Variants in ZC3HAV1 observed in about 807,000 individuals in gnomAD.
The protein encoded by ZC3HAV1 is zinc finger CCCH-type antiviral protein 1.
ZC3HAV1 carries 41 observed loss-of-function variants against 86.6 expected under a neutral mutation model. The observed-to-expected ratio is 0.47, with a 90% CI of 0.37 to 0.61. The LOEUF (loss-of-function observed/expected upper bound fraction) is 0.61, where lower values mean the gene tolerates loss of function less well. Among genes scored for constraint, ZC3HAV1 ranks in the 20% least tolerant of loss-of-function variants. ZC3HAV1 has a pLI of 0.00. For synonymous variants in ZC3HAV1, 421 were observed against 432.1 expected, an observed-to-expected ratio of 0.97 and a Z score of 0.32; for missense variants, 964 against 1,141.1, an observed-to-expected ratio of 0.84 and a Z score of 2.24.
intron 1 of ZC3HAV1, among the ~76,000 whole-genome samples, chr7:139,095,193 A>C (rs1817549012): frequency 6.6e-6 from 1 of 152,180 alleles, no homozygotes. Flanking sequence ...TGAGCTAAAG[A>C]ATAAAATGTC....
Position 139,109,381 on chromosome 7 carries a change from G to A in ZC3HAV1, c.-50C>T, listed in dbSNP as rs781317768. The A allele has an allele frequency of 2.7e-6, 4 of 1,481,726 alleles. No individual in the cohort carries two copies. The highest frequency in any genetic ancestry group is 4.8e-5 in the East Asian group (2 of 41,282). The allele number at this position is 1,481,726 out of a possible 1,614,324, so 91.8% of individuals were successfully genotyped here. A position where few individuals can be genotyped will look rare whatever the true frequency, so the allele number is the denominator to read the frequency against. ...CCGCGGCGCGGGACTCGGTTCCGCG[G>A]AAATCGGAAATCGAAACTTACAAGT... is the stretch of plus-strand genomic sequence containing the variant. On this transcript the variant is annotated 5_prime_UTR_variant, in exon 1 of 13. Coordinates refer to ENST00000242351, the MANE Select transcript of ZC3HAV1 (RefSeq NM_020119.4).
chr7:139,055,585 G>A (rs1290745198), intron 9 of ZC3HAV1, among the ~76,000 whole-genome samples: 1 of 152,150 alleles, frequency 6.6e-6, no homozygotes, highest in African/African-American at 2.4e-5. Flanking sequence ...AACTTTCAAA[G>A]GTCCTAATGT....
At chr7:139,087,240 G>A (rs1020513952) in intron 2 of ZC3HAV1, among the ~76,000 whole-genome samples, 48 of 152,174 alleles carry the variant, frequency 3.2e-4, no homozygotes, top group African/African-American at 8.4e-4. Flanking sequence ...GAGCTTTAAC[G>A]GGAATGATGT....
At position 139,109,582 on chromosome 7, in the gene ZC3HAV1, G is replaced by A. The variant is rs1472443972; in HGVS notation, c.-251C>T. 2 of 445,766 alleles carry A rather than the reference G, an allele frequency of 4.5e-6. No homozygotes were observed. Among genetic ancestry groups the A allele is most frequent in the Admixed American group, 8.5e-5 (2 of 23,642 alleles). 27.6% of individuals were successfully genotyped at this position (445,766 alleles called of 1,614,324 possible). A position where few individuals can be genotyped will look rare whatever the true frequency, so the allele number is the denominator to read the frequency against. The stretch of plus-strand genomic sequence containing the variant: ...TTACAGCCGGCCGCAAGGGCAACTG[G>A]GTGGAAAGAAAGAGAACGCGCGGGC... On this transcript the variant is annotated 5_prime_UTR_variant, in exon 1 of 13. Coordinates refer to ENST00000242351, the MANE Select transcript of ZC3HAV1 (RefSeq NM_020119.4).
At chr7:139,089,260 T>A (rs1184638045) in intron 2 of ZC3HAV1, among the ~76,000 whole-genome samples, 5 of 152,154 alleles carry the variant, frequency 3.3e-5, no homozygotes, top group African/African-American at 1.2e-4. Context: ...TTACAACAGC[T>A]TAGCCCATAC....
intron 1 of ZC3HAV1, among the ~76,000 whole-genome samples, chr7:139,096,914 CTTG>C (rs1817604953): frequency 1.3e-5 from 2 of 152,016 alleles, no homozygotes; most frequent in Non-Finnish European, 2.9e-5. Flanking sequence ...GGGTGGATAG[CTTG>C]AGCTTAGGAA....
chr7:139,083,536 C>T (rs1817187040), intron 3 of ZC3HAV1, among the ~76,000 whole-genome samples: 1 of 151,956 alleles, frequency 6.6e-6, no homozygotes, highest in African/African-American at 2.4e-5. Flanking sequence ...CAAGGCCAGC[C>T]TGGCCAACAT....
At chr7:139,104,699 G>GGTGA (rs1817875249) in intron 1 of ZC3HAV1, among the ~76,000 whole-genome samples, 117 of 112,500 alleles carry the variant, frequency 1.0e-3, no homozygotes, top group Middle Eastern at 0.013. Context: ...CTCCAGCCTG[G>GGTGA]CAACAGAGCG....
intron 7 of ZC3HAV1, among the ~76,000 whole-genome samples, chr7:139,070,716 T>G (rs1277856910): frequency 7.5e-6 from 1 of 134,140 alleles, no homozygotes; most frequent in African/African-American, 2.8e-5. Context: ...TGCGGTGGCT[T>G]ACACCTGTAA....
rs955292229 is a variant in ZC3HAV1 at position 139,044,743 on chromosome 7, C to T, written c.*2851G>A. The T allele has an allele frequency of 1.3e-5, 2 of 152,570 alleles. No individual in the cohort carries two copies. The highest frequency in any genetic ancestry group is 2.4e-5 in the African/African-American group (1 of 41,436). The allele number at this position is 152,570 out of a possible 1,614,324, so 9.5% of individuals were successfully genotyped here. A position where few individuals can be genotyped will look rare whatever the true frequency, so the allele number is the denominator to read the frequency against. On this transcript the variant is annotated 3_prime_UTR_variant, in exon 13 of 13. Transcript: ENST00000242351. ...ATAAGAAATTACTCTGCACCCTATA[C>T]GAATTTTGAATGTCTCACTAGACAT...
intron 7 of ZC3HAV1, among the ~76,000 whole-genome samples, chr7:139,071,627 T>C (rs553626232): frequency 1.3e-5 from 2 of 152,258 alleles, no homozygotes; most frequent in South Asian, 4.1e-4. Context: ...AAAGAATCTG[T>C]GCAAAGTTTA....
intron 6 of ZC3HAV1, among the ~76,000 whole-genome samples, chr7:139,074,978 CTT>C (rs1202275212): frequency 1.3e-5 from 2 of 152,164 alleles, no homozygotes; most frequent in Admixed American, 6.5e-5. Flanking sequence ...AGAAAGACCT[CTT>C]AGATCAGTGG....
chr7:139,074,490 G>A (rs1816876172), intron 6 of ZC3HAV1, among the ~76,000 whole-genome samples: 1 of 152,066 alleles, frequency 6.6e-6, no homozygotes, highest in Non-Finnish European at 1.5e-5. Context: ...AATACACGAT[G>A]AAATTTTCCA....
intron 6 of ZC3HAV1, among the ~76,000 whole-genome samples, chr7:139,074,838 TCA>T (rs993339934): frequency 6.6e-6 from 1 of 152,166 alleles, no homozygotes; most frequent in Non-Finnish European, 1.5e-5. Context: ...ATAATTGTTC[TCA>T]GTTTTAATTT....
Position 139,108,328 on chromosome 7 carries a change from A to G in ZC3HAV1, c.308+696T>C, listed in dbSNP as rs910675645. Reference sequence around the variant, plus strand: ...AGCAGTGGCCCGAGACGTGAGCCACACTGCTTCAAAGGGATTTAAGAGAGT... The same window carrying G: ...AGCAGTGGCCCGAGACGTGAGCCACGCTGCTTCAAAGGGATTTAAGAGAGT... On this transcript the variant is annotated intron_variant, in intron 1 of 12. Transcript: ENST00000242351. This position sits in a 1 kb window ranked among gnomAD's most constrained non-coding sequence, Gnocchi z 4.2. 2.1e-4 allele frequency among the ~76,000 whole-genome samples: 32 copies of G among 151,732 alleles called. No homozygotes were observed. Among genetic ancestry groups the G allele is most frequent in the African/African-American group, 7.3e-4 (30 of 41,354 alleles).
In ZC3HAV1 at chr7:139,044,615, G is replaced by C. The variant is rs2130651439; in HGVS notation, c.*2979C>G. Reference sequence around the variant, plus strand: ...GTGAATAGATCTGATAGGGTTTGTGGTTGTCACCGTGACTGGGCGTGGGGG... The same window carrying C: ...GTGAATAGATCTGATAGGGTTTGTGCTTGTCACCGTGACTGGGCGTGGGGG... On this transcript the variant is annotated 3_prime_UTR_variant, in exon 13 of 13. Coordinates refer to ENST00000242351, the MANE Select transcript of ZC3HAV1 (RefSeq NM_020119.4). 6.6e-6 allele frequency: 1 copy of C among 152,240 alleles called. No individual in the cohort carries two copies. The highest frequency in any genetic ancestry group is 1.5e-5 in the Non-Finnish European group (1 of 67,988). 9.4% of individuals were successfully genotyped at this position (152,240 alleles called of 1,614,324 possible).
intron 8 of ZC3HAV1, among the ~76,000 whole-genome samples, chr7:139,063,247 T>A (rs1816501240): frequency 3.2e-5 from 3 of 93,212 alleles, no homozygotes; most frequent in African/African-American, 1.6e-4. Flanking sequence ...CAATACCACC[T>A]AAGAATTTTT....
intron 9 of ZC3HAV1, among the ~76,000 whole-genome samples, chr7:139,055,803 G>C (rs968492775): frequency 1.3e-4 from 20 of 152,036 alleles, no homozygotes; most frequent in African/African-American, 4.8e-4. Context: ...ACTAATAGTT[G>C]CAAAAGAGTT....
intron 12 of ZC3HAV1, among the ~76,000 whole-genome samples, 160 bp downstream of exon 12, chr7:139,053,291 T>C (rs554245416): frequency 1.3e-5 from 2 of 152,170 alleles, no homozygotes; most frequent in African/African-American, 4.8e-5. Flanking sequence ...TCACTCTCAT[T>C]TGGGCATTTG....
Sources: gnomAD v4.1 joint callset for allele counts (sites outside exome capture counted in the v4.1 genomes callset) on GRCh38, gnomAD v4.1.1 for gene constraint, Gnocchi (gnomAD v3.1) non-coding constraint, MANE v1.5 for transcripts, NCBI Gene and HGNC (gene_info 2026-07-23, HGNC 2026-07-21) for gene names.